Variants in MICAL2 observed in about 807,000 individuals in gnomAD.
MICAL2 encodes [F-actin]-monooxygenase MICAL2.
In MICAL2, 77 loss-of-function variants were observed where a neutral mutation model predicts 127.3. The observed-to-expected ratio is 0.60, with a 90% CI of 0.50 to 0.73. MICAL2 has a LOEUF of 0.73. Ranked by LOEUF, MICAL2 falls within the 30% of genes least tolerant of loss-of-function variation. MICAL2 has a pLI of 0.00. For synonymous variants in MICAL2, 570 were observed against 551.1 expected, an observed-to-expected ratio of 1.03 and a Z score of -0.48; for missense variants, 1,351 against 1,434.4, an observed-to-expected ratio of 0.94 and a Z score of 0.94.
At position 12,159,567 on chromosome 11, in the gene MICAL2, G is replaced by A. The variant is rs911891631; in HGVS notation, c.-77-2512G>A. On this transcript the variant is annotated intron_variant, in intron 2 of 27. Transcript: ENST00000683283. The stretch of plus-strand genomic sequence containing the variant: ...ACTGAGAATCAGAAGTGGCTTGTGT[G>A]AGGCAATAGCTCTGAAGCCTTACAG... Among the ~76,000 whole-genome samples, 4 of 152,322 alleles carry A rather than the reference G, an allele frequency of 2.6e-5. No homozygotes were observed. In the East Asian group the frequency reaches 7.7e-4, roughly 29 times the overall value.
chr11:12,244,105 C>G lies in MICAL2; in HGVS notation c.2777C>G (p.Ala926Gly), dbSNP rs764850451. ...TCAACTGTTGACTCTGCTTCTCCTGCCAGAAAGGTAGTTGTCCTGAACAAT... is the reference window on the plus strand; with the variant it reads ...TCAACTGTTGACTCTGCTTCTCCTGGCAGAAAGGTAGTTGTCCTGAACAAT... Reference protein sequence around the residue: ...SPSTVDSASPARKEKKSPSGF... With the variant: ...SPSTVDSASPGRKEKKSPSGF... Residue 926 changes from alanine (A) to glycine (G), a missense_variant, in exon 21 of 28, where the codon GCC (alanine) becomes GGC (glycine). Ala to Gly is a moderately conservative substitution (Grantham distance 60, BLOSUM62 0). This residue lies in a region of MICAL2 where 752 missense variants were observed against 719.4 expected (regional missense o/e 1.05). Transcript: ENST00000683283. 7.4e-6 allele frequency: 12 copies of G among 1,614,118 alleles called. No homozygotes were observed. Among genetic ancestry groups the G allele is most frequent in the Non-Finnish European group, 1.0e-5 (12 of 1,180,046 alleles).
intron 2 of MICAL2, among the ~76,000 whole-genome samples, chr11:12,285,138 T>A (rs977561567): frequency 6.6e-6 from 1 of 152,098 alleles, no homozygotes; most frequent in African/African-American, 2.4e-5. Context: ...AGAGATGAAC[T>A]CATAGGGAGT....
chr11:12,214,713 G>A lies in MICAL2; in HGVS notation c.847+1303G>A, dbSNP rs182512577. Among the ~76,000 whole-genome samples the A allele has an allele frequency of 1.6e-3, 236 of 151,958 alleles. 1 individual carries two copies. The highest frequency in any genetic ancestry group is 5.0e-3 in the African/African-American group (209 of 41,410). ...CATCCATAAATAAAAGCTGATTGTCGCCCAGCCATGTCCATTTCTTTACAT... is the reference window on the plus strand; with the variant it reads ...CATCCATAAATAAAAGCTGATTGTCACCCAGCCATGTCCATTTCTTTACAT... On this transcript the variant is annotated intron_variant, in intron 7 of 27. Transcript: ENST00000683283.
chr11:12,293,789 C>G (rs758222043), downstream of MICAL2: 2 of 1,611,420 alleles, frequency 1.2e-6, no homozygotes, highest in Non-Finnish European at 1.7e-6. Context: ...AGCAGAGGCC[C>G]CTCTTGGGGA....
chr11:12,126,983 G>C (rs573407031), intron 1 of MICAL2, among the ~76,000 whole-genome samples: 1 of 152,312 alleles, frequency 6.6e-6, no homozygotes. Flanking sequence ...TCTAGTGGGT[G>C]TTGAGGCCAA....
intron 29 of MICAL2, among the ~76,000 whole-genome samples, chr11:12,307,484 A>C (rs1374741439): frequency 6.6e-6 from 1 of 152,216 alleles, no homozygotes. Context: ...TAGTTAAGAT[A>C]TCTTTGCTAA....
At chr11:12,335,541 TG>T (rs1320368354) in intron 32 of MICAL2, among the ~76,000 whole-genome samples, 1 of 152,200 alleles carries the variant, frequency 6.6e-6, no homozygotes, top group African/African-American at 2.4e-5. Flanking sequence ...GCCTATGTCC[TG>T]AATAGTATTG....
At chr11:12,301,353 A>G (rs1864044077) in intron 29 of MICAL2, among the ~76,000 whole-genome samples, 1 of 152,120 alleles carries the variant, frequency 6.6e-6, no homozygotes, top group African/African-American at 2.4e-5. Context: ...CCATTGCTCC[A>G]TTTTATTCCA....
At chr11:12,118,913 A>G (rs16910540) in intron 1 of MICAL2, among the ~76,000 whole-genome samples, 2,598 of 152,278 alleles carry the variant, frequency 0.017, 70 homozygotes, top group African/African-American at 0.059. Flanking sequence ...CATTGCCAGA[A>G]TGAATGACAC....
chr11:12,284,912 A>C (rs4757336), intron 2 of MICAL2, among the ~76,000 whole-genome samples: 92,135 of 152,036 alleles, frequency 0.61, 28,499 homozygotes, highest in Non-Finnish European at 0.67. Context: ...AACCACCCGA[A>C]GGGTTCTCCT....
chr11:12,226,329 A>C lies in MICAL2; in HGVS notation c.1847A>C (p.Lys616Thr). ...CTCAGCATGGTCATGTACCTCTCCAAGTTCTACGAGCTCTTCCGGGGCACC... is the reference window on the plus strand; with the variant it reads ...CTCAGCATGGTCATGTACCTCTCCACGTTCTACGAGCTCTTCCGGGGCACC... Reference protein sequence around the residue: ...DKLSMVMYLSKFYELFRGTPL... With the variant: ...DKLSMVMYLSTFYELFRGTPL... The change falls in exon 14 of 28, where the codon AAG (lysine) becomes ACG (threonine). Residue 616 changes from lysine to threonine, a missense_variant. Lys to Thr is a moderately conservative substitution (Grantham distance 78). Transcript: ENST00000683283. 6.2e-7 allele frequency: 1 copy of C among 1,614,066 alleles called. No homozygotes were observed. Among genetic ancestry groups the C allele is most frequent in the Non-Finnish European group, 8.5e-7 (1 of 1,179,964 alleles).
At position 12,262,466 on chromosome 11, in the gene MICAL2, G is replaced by C; in HGVS notation, c.3335-14G>C. 1 of 1,612,710 alleles carries C rather than the reference G, an allele frequency of 6.2e-7. No individual in the cohort carries two copies. The highest frequency in any genetic ancestry group is 8.5e-7 in the Non-Finnish European group (1 of 1,179,884). On this transcript the variant is annotated splice_polypyrimidine_tract_variant and intron_variant, in intron 26 of 27. Transcript: ENST00000683283. ...TCTTTCTCTCTCTTTCCAATCTTAC[G>C]CCATGGCCATCAGTTCATTTCAGCC... is the stretch of plus-strand genomic sequence containing the variant.
rs747906268 is a variant in MICAL2, at chr11:12,241,181, G to A, written c.2337+19G>A. ...AAGGCAGGTAGGGCTCCTTCCAGTG[G>A]ATGCTGTTTTGGTGAAGCCAGAGGG... is the stretch of plus-strand genomic sequence containing the variant. On this transcript the variant is annotated intron_variant, in intron 18 of 27. Coordinates refer to ENST00000683283, the MANE Select transcript of MICAL2 (RefSeq NM_001282663.2). The A allele has an allele frequency of 2.7e-5, 43 of 1,609,510 alleles. No homozygotes were observed. The highest frequency in any genetic ancestry group is 3.7e-5 in the Non-Finnish European group (43 of 1,177,628).
chr11:12,292,325 G>T (rs1461371739), downstream of MICAL2: 4 of 1,612,824 alleles, frequency 2.5e-6, no homozygotes, highest in South Asian at 1.1e-5. Context: ...TCCTGCCCAG[G>T]TGTCAGGAAG....
intron 34 of MICAL2, among the ~76,000 whole-genome samples, chr11:12,356,209 G>A (rs1301203200): frequency 6.6e-6 from 1 of 152,164 alleles, no homozygotes; most frequent in Admixed American, 6.5e-5. Context: ...TCCAAAAAAT[G>A]TAGTTTCTTT....
intron 29 of MICAL2, among the ~76,000 whole-genome samples, chr11:12,311,467 A>G (rs1171464626): frequency 6.6e-6 from 1 of 152,210 alleles, no homozygotes; most frequent in East Asian, 1.9e-4. Context: ...GCTGGAGTGC[A>G]GTGGCACGAT....
chr11:12,327,375 G>T, intron 32 of MICAL2: 1 of 861,446 alleles, frequency 1.2e-6, no homozygotes, highest in Non-Finnish European at 1.8e-6. Flanking sequence ...TGTCAGCATG[G>T]ACATATGGTG....
downstream of MICAL2, among the ~76,000 whole-genome samples, chr11:12,295,832 T>TA (rs1452471700): frequency 6.6e-6 from 1 of 152,200 alleles, no homozygotes; most frequent in Non-Finnish European, 1.5e-5. Context: ...GTCTTATTGT[T>TA]AACTTATATT....
chr11:12,286,389 A>G (rs571506367), intron 2 of MICAL2, among the ~76,000 whole-genome samples: 42 of 152,362 alleles, frequency 2.8e-4, no homozygotes, highest in Non-Finnish European at 5.9e-5. Context: ...TGATGACCTT[A>G]GCTTTAAATA....
Sources: allele counts gnomAD v4.1 joint callset (sites outside exome capture counted in the v4.1 genomes callset), GRCh38; gene constraint gnomAD v4.1.1; regional missense constraint gnomAD v4.1.1; transcripts MANE v1.5; gene names NCBI Gene and HGNC (gene_info 2026-07-23, HGNC 2026-07-21).